The following PCDH9 variants were observed in gnomAD, a reference collection of about 807,000 sequenced individuals.
PCDH9 encodes the protein protocadherin 9.
A neutral mutation model predicts 70.6 loss-of-function variants in PCDH9; 24 were observed. The ratio of observed to expected loss-of-function variants is 0.34; its 90% CI spans 0.25 to 0.48. PCDH9 has a LOEUF of 0.48. Among genes scored for constraint, PCDH9 ranks in the 20% least tolerant of loss-of-function variants. The pLI is 0.99. For missense variants in PCDH9, 1,281 were observed against 1,503.6 expected, an observed-to-expected ratio of 0.85 and a Z score of 2.45; for synonymous variants, 562 against 558.5, an observed-to-expected ratio of 1.01 and a Z score of -0.09.
intron 3 of PCDH9, among the ~76,000 whole-genome samples, chr13:66,732,888 T>G (rs1249980628): frequency 6.6e-6 from 1 of 152,078 alleles, no homozygotes. Flanking sequence ...TTTTACCTAC[T>G]TAGTTCTAAG....
chr13:66,818,323 T>C (rs2080645081), intron 3 of PCDH9, among the ~76,000 whole-genome samples: 1 of 152,212 alleles, frequency 6.6e-6, no homozygotes, highest in Admixed American at 6.5e-5. Flanking sequence ...TTTTAAGTGG[T>C]GTTTAAGTTA....
At chr13:66,663,440 T>C (rs368002368) in intron 3 of PCDH9, among the ~76,000 whole-genome samples, 44 of 152,296 alleles carry the variant, frequency 2.9e-4, no homozygotes, top group African/African-American at 9.6e-4. Context: ...ACATATATTA[T>C]CTTTGGAGTC....
At position 66,570,253 on chromosome 13, in the gene PCDH9, T is replaced by G. The variant is rs555721295; in HGVS notation, c.3340+60957A>C. Among the ~76,000 whole-genome samples the G allele has an allele frequency of 2.0e-5, 3 of 152,200 alleles. No homozygotes were observed. The South Asian group carries it at 6.2e-4, about 32-fold the overall frequency. Reference sequence around the variant, plus strand: ...GATTATGGTTACCATGGATTAGGGATGAGGAGGGAAATGTGGAGAGCAGTG... The same window carrying G: ...GATTATGGTTACCATGGATTAGGGAGGAGGAGGGAAATGTGGAGAGCAGTG... On this transcript the variant is annotated intron_variant, in intron 4 of 4. Coordinates refer to ENST00000377865, the MANE Select transcript of PCDH9 (RefSeq NM_203487.3).
intron 2 of PCDH9, among the ~76,000 whole-genome samples, chr13:66,920,201 G>T (rs1594260790): frequency 1.3e-5 from 2 of 151,088 alleles, no homozygotes; most frequent in Admixed American, 1.3e-4. Context: ...CTTTTGCTGG[G>T]GAATGATAGG....
chr13:66,684,442 G>C (rs188581129), intron 3 of PCDH9, among the ~76,000 whole-genome samples: 1 of 152,104 alleles, frequency 6.6e-6, no homozygotes, highest in Admixed American at 6.6e-5. Context: ...CCCATGTGTT[G>C]TAGGAAGAAC....
intron 2 of PCDH9, among the ~76,000 whole-genome samples, chr13:67,044,027 G>A (rs1017459487): frequency 1.3e-5 from 2 of 152,010 alleles, no homozygotes; most frequent in African/African-American, 2.4e-5. Flanking sequence ...AAGGAAAGAG[G>A]AATAGGATTA....
intron 4 of PCDH9, among the ~76,000 whole-genome samples, chr13:66,311,127 CTG>C (rs1210889874): frequency 6.6e-6 from 1 of 152,056 alleles, no homozygotes; most frequent in African/African-American, 2.4e-5. Flanking sequence ...AACTTTTACT[CTG>C]TAATTTTGCT....
chr13:66,815,633 C>T (rs574570325), intron 3 of PCDH9, among the ~76,000 whole-genome samples: 205 of 152,140 alleles, frequency 1.3e-3, no homozygotes, highest in African/African-American at 4.8e-3. Context: ...TACTGTAGGC[C>T]AGTATCCTAA....
chr13:66,680,719 A>G (rs1046931649), intron 3 of PCDH9, among the ~76,000 whole-genome samples: 10 of 151,958 alleles, frequency 6.6e-5, no homozygotes, highest in African/African-American at 1.9e-4. Context: ...GAGCAATAGT[A>G]CACAATACAC....
intron 2 of PCDH9, among the ~76,000 whole-genome samples, chr13:67,156,086 G>A (rs1385785313): frequency 6.6e-6 from 1 of 151,998 alleles, no homozygotes; most frequent in Non-Finnish European, 1.5e-5. Flanking sequence ...GGGAGTGCTG[G>A]GTAGAGGAAG....
intron 2 of PCDH9, among the ~76,000 whole-genome samples, chr13:67,194,876 T>C (rs2089018198): frequency 6.6e-6 from 1 of 152,144 alleles, no homozygotes; most frequent in South Asian, 2.1e-4. Context: ...ACAAAAATGT[T>C]TCAAACAAAT....
intron 2 of PCDH9, among the ~76,000 whole-genome samples, chr13:67,093,917 T>C (rs141434486): frequency 1.3e-5 from 2 of 152,258 alleles, no homozygotes; most frequent in South Asian, 2.1e-4. Flanking sequence ...GATGAGATAG[T>C]AGAAAAGGTA....
chr13:66,501,271 G>C (rs1005336129), intron 4 of PCDH9, among the ~76,000 whole-genome samples: 1 of 152,048 alleles, frequency 6.6e-6, no homozygotes, highest in African/African-American at 2.4e-5. Flanking sequence ...TCTCCTTCTT[G>C]ATTGTGAGAC....
chr13:67,134,187 C>T (rs182448185), intron 2 of PCDH9, among the ~76,000 whole-genome samples: 1 of 152,116 alleles, frequency 6.6e-6, no homozygotes, highest in Admixed American at 6.6e-5. Context: ...AATAAAAAAA[C>T]TAAAGCCCTA....
chr13:67,025,304 T>C (rs957507978), intron 2 of PCDH9, among the ~76,000 whole-genome samples: 2 of 152,114 alleles, frequency 1.3e-5, no homozygotes, highest in African/African-American at 4.8e-5. Context: ...TGGACAAATA[T>C]AATAAAACAT....
chr13:67,222,915 C>T (rs1454159139), intron 2 of PCDH9: 5 of 152,082 alleles, frequency 3.3e-5, no homozygotes, highest in South Asian at 4.1e-4. Context: ...AGGAAATATG[C>T]TTCTTTTATC....
chr13:66,782,351 G>A lies in PCDH9; in HGVS notation c.3138+121153C>T, dbSNP rs77856437. On this transcript the variant is annotated intron_variant, in intron 3 of 4. Transcript: ENST00000377865. ...ACTAAGAAAGCAAGAGAGAATGCAGGAGAGATAGCTGTCAGCTGGCAGATT... is the reference window on the plus strand; with the variant it reads ...ACTAAGAAAGCAAGAGAGAATGCAGAAGAGATAGCTGTCAGCTGGCAGATT... 7.6e-4 allele frequency among the ~76,000 whole-genome samples: 115 copies of A among 152,200 alleles called. No individual in the cohort carries two copies. The East Asian group carries it at 0.02, about 27-fold the overall frequency.
chr13:66,885,608 T>C (rs1262894758), intron 3 of PCDH9, among the ~76,000 whole-genome samples: 1 of 152,194 alleles, frequency 6.6e-6, no homozygotes, highest in Non-Finnish European at 1.5e-5. Context: ...TATGCATTTA[T>C]ATTGCCAAAC....
chr13:66,581,302 G>A (rs531090723), intron 4 of PCDH9, among the ~76,000 whole-genome samples: 16 of 152,196 alleles, frequency 1.1e-4, no homozygotes, highest in South Asian at 2.1e-4. Context: ...ATCATTCTAT[G>A]GATGAGCTAA....
Sources: gnomAD v4.1 joint callset for allele counts (sites outside exome capture counted in the v4.1 genomes callset) on GRCh38, gnomAD v4.1.1 for gene constraint, MANE v1.5 for transcripts, NCBI Gene and HGNC (gene_info 2026-07-23, HGNC 2026-07-21) for gene names.